The following EOGT variants were observed in gnomAD, a reference collection of about 807,000 sequenced individuals.
EOGT encodes the protein EGF domain-specific O-linked N-acetylglucosamine transferase.
In EOGT, 55 loss-of-function variants were observed where a neutral mutation model predicts 70.5. The observed-to-expected ratio is 0.78, with a 90% CI of 0.63 to 0.98. The LOEUF (loss-of-function observed/expected upper bound fraction) is 0.98. EOGT is among the 50% of genes least tolerant of loss of function. The pLI is 0.00. For missense variants in EOGT, 703 were observed against 641.9 expected, an observed-to-expected ratio of 1.10 and a Z score of -1.03; for synonymous variants, 246 against 217.1, an observed-to-expected ratio of 1.13 and a Z score of -1.17.
At chr3:68,992,091 C>A (rs1315661412) in intron 10 of EOGT, among the ~76,000 whole-genome samples, 1 of 152,114 alleles carries the variant, frequency 6.6e-6, no homozygotes, top group African/African-American at 2.4e-5. Flanking sequence ...CACAGCCAAA[C>A]CATATCATTC....
At chr3:68,980,841 T>A (rs1263137604) in intron 15 of EOGT, among the ~76,000 whole-genome samples, 1 of 152,216 alleles carries the variant, frequency 6.6e-6, no homozygotes, top group Non-Finnish European at 1.5e-5. Flanking sequence ...CCAATCCCCA[T>A]GCCAACATGT....
At chr3:68,987,636 CTTCT>C (rs955840820) in intron 13 of EOGT, 123 bp from the exon 14 acceptor site, 3 of 716,090 alleles carry the variant, frequency 4.2e-6, no homozygotes, top group Non-Finnish European at 4.7e-6. Flanking sequence ...TAATAGAACT[CTTCT>C]TTTTTAGCTT....
intron 15 of EOGT, among the ~76,000 whole-genome samples, chr3:68,982,378 G>A (rs2090671809): frequency 6.6e-6 from 1 of 152,038 alleles, no homozygotes; most frequent in South Asian, 2.1e-4. Flanking sequence ...AAATTAGCCG[G>A]ATATGGTGGC....
At chr3:68,987,804 T>C (rs1428673349) in intron 13 of EOGT, 1 of 459,522 alleles carries the variant, frequency 2.2e-6, no homozygotes. Context: ...GAGGGAGATA[T>C]AACCAATGAA....
At chr3:69,004,249 T>TC in intron 8 of EOGT, 129 bp downstream of exon 8, 2 of 674,452 alleles carry the variant, frequency 3.0e-6, no homozygotes, top group Non-Finnish European at 5.1e-6. Context: ...TTCCGTCACT[T>TC]CCCAGAAGCT....
rs76962742 is a variant in EOGT at position 68,998,237 on chromosome 3, T to C, written c.728-123A>G. 340 of 626,894 alleles carry C rather than the reference T, an allele frequency of 5.4e-4. 1 individual carries two copies. Among genetic ancestry groups the C allele is most frequent in the Middle Eastern group, 2.7e-3 (7 of 2,580 alleles). The allele number at this position is 626,894 out of a possible 1,614,324, so 38.8% of individuals were successfully genotyped here. A position where few individuals can be genotyped will look rare whatever the true frequency, so the allele number is the denominator to read the frequency against. ...TAGTTTAAATAAATGGGGAAAAAAA[T>C]AACTGTTTTGTTTTTCCAAACATGA... On this transcript the variant is annotated intron_variant, in intron 9 of 17. Transcript: ENST00000383701.
chr3:69,010,760 A>G (rs570585037), intron 3 of EOGT, among the ~76,000 whole-genome samples: 1 of 152,364 alleles, frequency 6.6e-6, no homozygotes, highest in South Asian at 2.1e-4. Flanking sequence ...GGAGGGGAAA[A>G]GTATCTGTGA....
intron 10 of EOGT, among the ~76,000 whole-genome samples, chr3:68,992,504 C>T (rs2091022225): frequency 6.6e-6 from 1 of 152,226 alleles, no homozygotes. Context: ...AGCTCTGCCC[C>T]TGTGGTTTTG....
chr3:69,001,699 T>G lies in EOGT; in HGVS notation c.636A>C (p.Gln212His), dbSNP rs1458872970. 1 of 1,610,076 alleles carries G rather than the reference T, an allele frequency of 6.2e-7. No individual in the cohort carries two copies. The highest frequency in any genetic ancestry group is 8.5e-7 in the Non-Finnish European group (1 of 1,178,086). The change falls in exon 9 of 18, where the codon CAA becomes CAC. Residue 212 changes from glutamine (Q) to histidine (H), a missense_variant. Gln to His is a conservative substitution (Grantham distance 24). Transcript: ENST00000383701. The part of the protein sequence containing the change: ...SPLQSWFAEL[Q>H]SYTQLNFRPI... ...GTCTGAAGTTGAGCTGAGTATAGCT[T>G]TGTAGCTCAGCAAACCTGAAATTAT...
chr3:68,978,530 T>C, intron 16 of EOGT, 95 bp from the exon 17 acceptor site: 1 of 747,304 alleles, frequency 1.3e-6, no homozygotes, highest in Middle Eastern at 2.4e-4. Flanking sequence ...CCCAAATATG[T>C]CCTTGCAAAA....
chr3:68,990,000 C>T (rs1312471372), intron 10 of EOGT, among the ~76,000 whole-genome samples: 2 of 151,972 alleles, frequency 1.3e-5, no homozygotes, highest in Non-Finnish European at 2.9e-5. Context: ...TATCCCCCCA[C>T]CCATTGACTA....
intron 15 of EOGT, among the ~76,000 whole-genome samples, chr3:68,982,293 G>A (rs1045104194): frequency 6.6e-6 from 1 of 152,136 alleles, no homozygotes; most frequent in African/African-American, 2.4e-5. Context: ...GCAGAGGCGG[G>A]CAGATCACTT....
At position 69,004,469 on chromosome 3, in the gene EOGT, A is replaced by G. The variant is rs2091387471; in HGVS notation, c.529T>C (p.Phe177Leu). 1 of 1,613,158 alleles carries G rather than the reference A, an allele frequency of 6.2e-7. No homozygotes were observed. The highest frequency in any genetic ancestry group is 1.7e-5 in the Admixed American group (1 of 59,992). Residue 177 changes from phenylalanine (F) to leucine (L), a missense_variant, in exon 8 of 18, where the codon TTT becomes CTT. Physicochemically the swap from Phe to Leu is conservative, Grantham distance 22. Transcript: ENST00000383701. ...KRNHDRFKEDFFQSGEIGGHC... is the reference protein window; with the variant it reads ...KRNHDRFKEDLFQSGEIGGHC... Reference sequence around the variant, plus strand: ...CCTCCAATTTCACCACTCTGGAAAAAGTCCTCCTTAAATCTGGTATATAAC... The same window carrying G: ...CCTCCAATTTCACCACTCTGGAAAAGGTCCTCCTTAAATCTGGTATATAAC...
chr3:68,979,450 G>T (rs1034370559), intron 16 of EOGT, among the ~76,000 whole-genome samples: 1 of 152,188 alleles, frequency 6.6e-6, no homozygotes, highest in African/African-American at 2.4e-5. Context: ...GCTCGGGATG[G>T]GAAGATGAAG....
At chr3:69,002,185 G>A (rs2091313681) in intron 8 of EOGT, among the ~76,000 whole-genome samples, 1 of 152,158 alleles carries the variant, frequency 6.6e-6, no homozygotes, top group South Asian at 2.1e-4. Context: ...ACCTGAGTGA[G>A]TTTAGCAGCA....
chr3:69,006,744 C>T (rs1204338503), intron 6 of EOGT, among the ~76,000 whole-genome samples: 3 of 152,148 alleles, frequency 2.0e-5, no homozygotes, highest in Admixed American at 6.5e-5. Context: ...ATTTACTACC[C>T]CAAACCACCT....
intron 10 of EOGT, among the ~76,000 whole-genome samples, chr3:68,991,452 G>C (rs1315395609): frequency 6.6e-6 from 1 of 152,158 alleles, no homozygotes; most frequent in East Asian, 1.9e-4. Context: ...CACAGAACTG[G>C]AAACAAAACT....
chr3:68,987,310 C>T lies in EOGT; in HGVS notation c.1152+135G>A, dbSNP rs557720638. On this transcript the variant is annotated intron_variant, in intron 14 of 17. Coordinates refer to ENST00000383701, the MANE Select transcript of EOGT (RefSeq NM_001278689.2). ...AGAAATTCAAATCTAATAAATAAACCGGGCATAGGCCATCAAACTTTTCTC... is the reference window on the plus strand; with the variant it reads ...AGAAATTCAAATCTAATAAATAAACTGGGCATAGGCCATCAAACTTTTCTC... 1.3e-3 allele frequency: 880 copies of T among 681,588 alleles called. 11 individuals are homozygous for T. The South Asian group carries it at 0.014, about 11-fold the overall frequency. 42.2% of individuals were successfully genotyped at this position (681,588 alleles called of 1,614,324 possible).
At chr3:69,009,583 A>G (rs2091518874) in intron 4 of EOGT, 54 bp downstream of exon 4, 2 of 1,421,896 alleles carry the variant, frequency 1.4e-6, no homozygotes, top group South Asian at 2.4e-5. Context: ...AGAACCTGTA[A>G]GCCAGCTGAA....
Sources: gnomAD v4.1 joint callset for allele counts (sites outside exome capture counted in the v4.1 genomes callset) on GRCh38, gnomAD v4.1.1 for gene constraint, MANE v1.5 for transcripts, NCBI Gene and HGNC (gene_info 2026-07-23, HGNC 2026-07-21) for gene names.